Variants in SYNE1 observed in about 807,000 individuals in gnomAD.
SYNE1 encodes spectrin repeat containing nuclear envelope protein 1, also known as nesprin-1.
Under a neutral mutation model 1,111.0 loss-of-function variants are expected in SYNE1, and 616 were observed. The observed-to-expected ratio is 0.55, with a 90% CI of 0.52 to 0.59. The LOEUF (loss-of-function observed/expected upper bound fraction) is 0.59. Ranked by LOEUF, SYNE1 falls within the 20% of genes least tolerant of loss-of-function variation. The pLI, the probability that SYNE1 is intolerant of heterozygous loss-of-function variation, is 0.00. For missense variants in SYNE1, 10,006 were observed against 10,417.0 expected (o/e 0.96, Z 1.72); for synonymous variants, 3,855 against 3,825.8 (o/e 1.01, Z -0.28).
intron 3 of SYNE1, among the ~76,000 whole-genome samples, chr6:152,585,415 A>G (rs1248984772): frequency 1.3e-5 from 2 of 152,236 alleles, no homozygotes; most frequent in African/African-American, 4.8e-5. Flanking sequence ...AAATCATAGA[A>G]ACAAAATTAC....
rs374006638 is a variant in SYNE1, at chr6:152,198,467, C to T, written c.23145+3357G>A. On this transcript the variant is annotated intron_variant, in intron 127 of 145. Coordinates refer to ENST00000367255, the MANE Select transcript of SYNE1 (RefSeq NM_182961.4). ...TGGAGTATTACTTTTAATTTCCTTTCAGAACTTTTCCTTTGCATTCACAAC... is the reference window on the plus strand; with the variant it reads ...TGGAGTATTACTTTTAATTTCCTTTTAGAACTTTTCCTTTGCATTCACAAC... Among the ~76,000 whole-genome samples the T allele has an allele frequency of 9.8e-4, 149 of 152,302 alleles. 3 individuals carry two copies. The South Asian group carries it at 0.017, about 18-fold the overall frequency.
At chr6:152,187,317 C>T (rs1473609646) in intron 128 of SYNE1, among the ~76,000 whole-genome samples, 3 of 152,178 alleles carry the variant, frequency 2.0e-5, no homozygotes, top group Non-Finnish European at 4.4e-5. Context: ...CCTGAAAATA[C>T]ACTTCTTGTT....
Position 152,387,286 on chromosome 6 carries a change from T to A in SYNE1, c.8273A>T (p.His2758Leu). The change falls in exon 54 of 146, where the codon CAT (histidine) becomes CTT (leucine). Residue 2758 changes from histidine to leucine, a missense_variant. By Grantham distance (99) the His-to-Leu change is moderately conservative. Around this residue, in one of 7 missense-constraint regions of SYNE1, gnomAD observed 4,955 missense variants for 5,017.2 expected, o/e 0.99. Coordinates refer to ENST00000367255, the MANE Select transcript of SYNE1 (RefSeq NM_182961.4). ...WMESVDQKIE[H>L]PLQPQPGLKE... Reference sequence around the variant, plus strand: ...CAGACCTGGCTGTGGTTGTAAGGGATGTTCTATTTTTTGATCCACTGATTC... The same window carrying A: ...CAGACCTGGCTGTGGTTGTAAGGGAAGTTCTATTTTTTGATCCACTGATTC... 6.2e-7 allele frequency: 1 copy of A among 1,614,190 alleles called. No individual in the cohort carries two copies.
At chr6:152,477,389 A>G (rs950232307) in intron 14 of SYNE1, among the ~76,000 whole-genome samples, 1 of 152,164 alleles carries the variant, frequency 6.6e-6, no homozygotes, top group African/African-American at 2.4e-5. Flanking sequence ...CTTTTAGTAA[A>G]GGCCTTAAAG....
chr6:152,268,721 A>G (rs368242583), intron 99 of SYNE1, among the ~76,000 whole-genome samples: 50 of 152,322 alleles, frequency 3.3e-4, no homozygotes, highest in African/African-American at 1.2e-3. Context: ...ACAATTAGCA[A>G]TCCTATTTTG....
Position 152,300,685 on chromosome 6 carries a change from G to A in SYNE1, c.17638C>T (p.Arg5880Cys), listed in dbSNP as rs754249216. The change falls in exon 93 of 146, where the codon CGC becomes TGC. Residue 5880 changes from arginine (R) to cysteine (C), a missense_variant. This residue lies in a region of SYNE1 where 4,955 missense variants were observed against 5,017.2 expected (regional missense o/e 0.99). Coordinates refer to ENST00000367255, the MANE Select transcript of SYNE1 (RefSeq NM_182961.4). ...NSEISSPPAC[R>C]SPSPVANTDA... ...GTATTAGCCACAGGTGAAGGGGAGC[G>A]ACAGGCAGGTGGAGAGGAAATCTCA... is the stretch of plus-strand genomic sequence containing the variant. 11 of 1,614,060 alleles carry A rather than the reference G, an allele frequency of 6.8e-6. No individual in the cohort carries two copies. Among genetic ancestry groups the A allele is most frequent in the South Asian group, 4.4e-5 (4 of 91,080 alleles).
intron 3 of SYNE1, among the ~76,000 whole-genome samples, chr6:152,604,352 G>A (rs1345586245): frequency 1.3e-5 from 2 of 151,932 alleles, no homozygotes; most frequent in Non-Finnish European, 2.9e-5. Context: ...ACCCAGGCTG[G>A]AGTGCAGTAG....
chr6:152,453,972 T>C (rs768411969), intron 24 of SYNE1, among the ~76,000 whole-genome samples: 1 of 152,244 alleles, frequency 6.6e-6, no homozygotes, highest in African/African-American at 2.4e-5. Flanking sequence ...TCAAATTTGG[T>C]AGAATATTCC....
chr6:152,607,753 A>G (rs1024620493), intron 3 of SYNE1, among the ~76,000 whole-genome samples: 14 of 152,244 alleles, frequency 9.2e-5, no homozygotes, highest in Non-Finnish European at 7.3e-5. Context: ...TTGCAGCACT[A>G]TTTACAATAG....
chr6:152,311,918 C>T (rs190829926), intron 87 of SYNE1, among the ~76,000 whole-genome samples: 2 of 151,972 alleles, frequency 1.3e-5, no homozygotes, highest in African/African-American at 2.4e-5. Flanking sequence ...TGGGACTACA[C>T]GCACCCAGGT....
At chr6:152,232,744 T>C (rs2083063293) in intron 112 of SYNE1, among the ~76,000 whole-genome samples, 2 of 152,236 alleles carry the variant, frequency 1.3e-5, no homozygotes, top group Admixed American at 1.3e-4. Flanking sequence ...ACATAGCCAA[T>C]TTCCTCAGCC....
At chr6:152,123,832 G>T (rs146445910) in intron 145 of SYNE1, among the ~76,000 whole-genome samples, 2 of 152,310 alleles carry the variant, frequency 1.3e-5, no homozygotes, top group East Asian at 3.9e-4. Flanking sequence ...AGCTGTATTG[G>T]TAACTGTAGG....
chr6:152,582,817 C>T lies in SYNE1; in HGVS notation c.68-42796G>A, dbSNP rs1293178548. Among the ~76,000 whole-genome samples, 3 of 152,072 alleles carry T rather than the reference C, an allele frequency of 2.0e-5. No homozygotes were observed. The East Asian group carries it at 5.8e-4, about 29-fold the overall frequency. ...TACTTCATCTTTGTTAAAGAGTATA[C>T]TGGCCACTTACATATATTGTGGCCT... On this transcript the variant is annotated intron_variant, in intron 3 of 145. Coordinates refer to ENST00000367255, the MANE Select transcript of SYNE1 (RefSeq NM_182961.4).
At position 152,323,551 on chromosome 6, in the gene SYNE1, C is replaced by A; in HGVS notation, c.15844G>T (p.Gly5282Ter). The A allele has an allele frequency of 6.2e-7, 1 of 1,614,236 alleles. No homozygotes were observed. Among genetic ancestry groups the A allele is most frequent in the Non-Finnish European group, 8.5e-7 (1 of 1,180,042 alleles). The change falls in exon 82 of 146, where the codon GGA becomes TGA. Residue 5282 changes from glycine (G) to a stop codon, truncating the protein, a stop_gained. Transcript: ENST00000367255. LOFTEE classifies it high-confidence loss of function. The part of the protein sequence containing the change: ...RQQTLSMLQD[G>*]AAPTPGEEPP... ...TCTTCCCCAGGGGTTGGGGCGGCTC[C>A]ATCCTGGAGCATGCTCAGGGTTTGC... is the stretch of plus-strand genomic sequence containing the variant.
chr6:152,157,434 G>A (rs1011685340), intron 131 of SYNE1, among the ~76,000 whole-genome samples: 1 of 152,146 alleles, frequency 6.6e-6, no homozygotes, highest in Non-Finnish European at 1.5e-5. Flanking sequence ...AGAGTGTTTG[G>A]GGGCAATGAA....
At chr6:152,468,562 G>T (rs2098785199) in intron 16 of SYNE1, among the ~76,000 whole-genome samples, 1 of 152,154 alleles carries the variant, frequency 6.6e-6, no homozygotes, top group South Asian at 2.1e-4. Context: ...TATTTTCCAA[G>T]AATTCTTTAA....
chr6:152,495,695 C>T (rs890027798), intron 11 of SYNE1, among the ~76,000 whole-genome samples: 2 of 152,118 alleles, frequency 1.3e-5, no homozygotes, highest in Non-Finnish European at 2.9e-5. Flanking sequence ...CCTGCCAAAC[C>T]ACTCACCCTG....
chr6:152,215,085 T>C (rs2078309001), intron 121 of SYNE1, 25 bp from the exon 122 acceptor site: 1 of 1,613,404 alleles, frequency 6.2e-7, no homozygotes, highest in African/African-American at 1.3e-5. Flanking sequence ...TAAAAGTAGG[T>C]TTAGCACCAT....
Position 152,465,990 on chromosome 6 carries a change from T to C in SYNE1, c.1721A>G (p.Asp574Gly). The C allele has an allele frequency of 6.2e-7, 1 of 1,611,246 alleles. No homozygotes were observed. ...TCTGTAGTATGTTTTACCTGAACCA[T>C]CTGCTTTGACATACATCTCAGCTGT... ...KQTAEMYVKA[D>G]GSVEEAENVM... The change falls in exon 17 of 146, where the codon GAT becomes GGT. Residue 574 changes from aspartate to glycine, a missense_variant. Asp to Gly is a moderately conservative substitution (Grantham distance 94). Transcript: ENST00000367255.
Sources: gnomAD v4.1 joint callset for allele counts (sites outside exome capture counted in the v4.1 genomes callset) on GRCh38, gnomAD v4.1.1 for gene constraint, gnomAD v4.1.1 regional missense constraint, MANE v1.5 for transcripts, NCBI Gene and HGNC (gene_info 2026-07-23, HGNC 2026-07-21) for gene names.